Variants in PACRG observed in about 807,000 individuals in gnomAD.
The protein encoded by PACRG is parkin coregulated, also known as parkin coregulated gene protein.
A neutral mutation model predicts 29.7 loss-of-function variants in PACRG; 29 were observed. The ratio of observed to expected loss-of-function variants is 0.98; its 90% CI spans 0.73 to 1.33. The LOEUF (loss-of-function observed/expected upper bound fraction) is 1.33. PACRG is among the 40% of genes most tolerant of loss of function. The probability of loss-of-function intolerance (pLI) is 0.00; values close to 1 mark genes in which losing one functional copy is unlikely to be tolerated. For synonymous variants in PACRG, 116 were observed against 118.7 expected (o/e 0.98, Z 0.15); for missense variants, 279 against 316.2 (o/e 0.88, Z 0.89).
chr6:162,854,162 TTC>T lies in PACRG; in HGVS notation c.291+39883_291+39884del, dbSNP rs1311621432. On this transcript the variant is annotated intron_variant, in intron 2 of 4. Transcript: ENST00000366888. ...TTCTGGGAGAAGGAGACCATTTTCTTTCTGTTTTTTTTTTTTTTAATTGAATG... is the reference window on the plus strand; with the variant it reads ...TTCTGGGAGAAGGAGACCATTTTCTTTGTTTTTTTTTTTTTTAATTGAATG... Among the ~76,000 whole-genome samples the T allele has an allele frequency of 9.6e-5, 9 of 94,046 alleles. No homozygotes were observed. In the East Asian group the frequency reaches 2.0e-3, roughly 21 times the overall value. 61.7% of individuals were successfully genotyped at this position (94,046 alleles called of 152,430 possible).
intron 4 of PACRG, among the ~76,000 whole-genome samples, chr6:163,180,576 A>G (rs530392588): frequency 1.8e-4 from 28 of 152,274 alleles, no homozygotes; most frequent in African/African-American, 6.7e-4. Context: ...GCAGTGAGCT[A>G]TGATTACGCC....
At chr6:162,875,101 A>G (rs1370024865) in intron 2 of PACRG, among the ~76,000 whole-genome samples, 1 of 152,140 alleles carries the variant, frequency 6.6e-6, no homozygotes, top group Non-Finnish European at 1.5e-5. Flanking sequence ...GCTCACACAC[A>G]TTTGCACACT....
intron 3 of PACRG, among the ~76,000 whole-genome samples, chr6:163,063,798 T>C (rs1811297355): frequency 6.6e-6 from 1 of 152,160 alleles, no homozygotes; most frequent in Non-Finnish European, 1.5e-5. Context: ...AAGGGGCTTA[T>C]TAAATAGCAG....
At chr6:162,770,419 T>A (rs1783128640) in intron 1 of PACRG, among the ~76,000 whole-genome samples, 1 of 152,134 alleles carries the variant, frequency 6.6e-6, no homozygotes. Flanking sequence ...CCACAGTTCT[T>A]AACTGTTAAG....
At chr6:163,311,670 C>A (rs1341301678) in intron 4 of PACRG, among the ~76,000 whole-genome samples, 1 of 152,152 alleles carries the variant, frequency 6.6e-6, no homozygotes, top group East Asian at 1.9e-4. Context: ...CCCAATGATA[C>A]GCATTCTGCA....
At chr6:163,040,472 G>C (rs1194860259) in intron 2 of PACRG, among the ~76,000 whole-genome samples, 3 of 152,184 alleles carry the variant, frequency 2.0e-5, no homozygotes, top group African/African-American at 7.2e-5. Flanking sequence ...CTGTTCTCCA[G>C]GCACCAGAAA....
intron 4 of PACRG, among the ~76,000 whole-genome samples, chr6:163,141,216 A>G (rs1458709047): frequency 6.6e-6 from 1 of 152,180 alleles, no homozygotes; most frequent in East Asian, 1.9e-4. Context: ...ACACACAGTT[A>G]AGATATCACC....
At chr6:162,829,852 G>A (rs938712322) in intron 2 of PACRG, among the ~76,000 whole-genome samples, 1 of 152,078 alleles carries the variant, frequency 6.6e-6, no homozygotes, top group African/African-American at 2.4e-5. Context: ...GGCATATTTG[G>A]GGATCGCTGT....
intron 1 of PACRG, among the ~76,000 whole-genome samples, chr6:162,735,025 TTC>T (rs1392050852): frequency 6.6e-6 from 1 of 152,226 alleles, no homozygotes; most frequent in Non-Finnish European, 1.5e-5. Context: ...TTCATCAACA[TTC>T]TGTTTGTGAG....
chr6:162,904,758 G>C (rs1014077153), intron 2 of PACRG, among the ~76,000 whole-genome samples: 2 of 152,178 alleles, frequency 1.3e-5, no homozygotes, highest in South Asian at 4.1e-4. Flanking sequence ...TGCCTGACCT[G>C]TTTAGTGGAA....
At chr6:163,155,438 C>A in intron 4 of PACRG, among the ~76,000 whole-genome samples, 1 of 152,202 alleles carries the variant, frequency 6.6e-6, no homozygotes, top group East Asian at 1.9e-4. Context: ...AAAAGCCTGG[C>A]TGGTCTTGGG....
At chr6:162,806,678 G>A (rs1438971259) in intron 1 of PACRG, among the ~76,000 whole-genome samples, 1 of 152,090 alleles carries the variant, frequency 6.6e-6, no homozygotes, top group African/African-American at 2.4e-5. Flanking sequence ...TGTCATCCAG[G>A]CTTTGTTGTT....
At chr6:162,794,566 T>A (rs1383150952) in intron 1 of PACRG, among the ~76,000 whole-genome samples, 1 of 152,224 alleles carries the variant, frequency 6.6e-6, no homozygotes, top group Non-Finnish European at 1.5e-5. Flanking sequence ...TTAATTTTCA[T>A]ATGGTTTGGC....
intron 2 of PACRG, among the ~76,000 whole-genome samples, chr6:162,832,547 G>C (rs1192819262): frequency 6.6e-6 from 1 of 151,988 alleles, no homozygotes; most frequent in Non-Finnish European, 1.5e-5. Context: ...TTTTGTTAGT[G>C]GCATTTACAA....
chr6:162,830,708 G>C (rs1336720491), intron 2 of PACRG, among the ~76,000 whole-genome samples: 1 of 152,214 alleles, frequency 6.6e-6, no homozygotes, highest in Non-Finnish European at 1.5e-5. Context: ...AGGCATGGTG[G>C]GGGGTAGACG....
chr6:163,272,652 G>T (rs1410620357), intron 4 of PACRG, among the ~76,000 whole-genome samples: 2 of 152,098 alleles, frequency 1.3e-5, no homozygotes, highest in African/African-American at 4.8e-5. Context: ...ACCAAGCAGG[G>T]TGCTGGCTTT....
At chr6:162,878,751 T>A (rs1793582153) in intron 2 of PACRG, among the ~76,000 whole-genome samples, 1 of 152,230 alleles carries the variant, frequency 6.6e-6, no homozygotes, top group Non-Finnish European at 1.5e-5. Flanking sequence ...TCCTCTGATT[T>A]CCCCAATATG....
chr6:163,109,469 C>A (rs1386086808), intron 4 of PACRG, among the ~76,000 whole-genome samples: 1 of 152,174 alleles, frequency 6.6e-6, no homozygotes, highest in Non-Finnish European at 1.5e-5. Flanking sequence ...CAGGTAGCCA[C>A]CAGTCCAAAA....
At chr6:163,225,570 T>C (rs1280266654) in intron 4 of PACRG, among the ~76,000 whole-genome samples, 1 of 152,154 alleles carries the variant, frequency 6.6e-6, no homozygotes, top group Non-Finnish European at 1.5e-5. Context: ...CAAGTGTTTG[T>C]AAGGATGTGG....
Sources: allele counts gnomAD v4.1 joint callset (sites outside exome capture counted in the v4.1 genomes callset), GRCh38; gene constraint gnomAD v4.1.1; transcripts MANE v1.5; gene names NCBI Gene and HGNC (gene_info 2026-07-23, HGNC 2026-07-21).